The following MGST1 variants were observed in gnomAD, a reference collection of about 807,000 sequenced individuals.
MGST1 encodes glutathione S-transferase 12.
In MGST1, 5 loss-of-function variants were observed where a neutral mutation model predicts 8.9. The ratio of observed to expected loss-of-function variants is 0.56; its 90% CI spans 0.29 to 1.19. MGST1 has a LOEUF of 1.19. MGST1 is among the 50% of genes most tolerant of loss of function. The probability of loss-of-function intolerance (pLI) is 0.08; values close to 1 mark genes in which losing one functional copy is unlikely to be tolerated. For synonymous variants in MGST1, 54 were observed against 67.8 expected (o/e 0.80, Z 1.00); for missense variants, 182 against 187.4 (o/e 0.97, Z 0.17).
intron 3 of MGST1, among the ~76,000 whole-genome samples, chr12:16,358,004 A>G (rs1021763099): frequency 6.6e-6 from 1 of 152,176 alleles, no homozygotes; most frequent in Admixed American, 6.5e-5. Context: ...TTGGAGTTTT[A>G]TCGTCTTTGT....
Position 16,566,024 on chromosome 12 carries a change from A to T in MGST1, n.483-23504A>T, listed in dbSNP as rs1342080139. Among the ~76,000 whole-genome samples the T allele has an allele frequency of 5.9e-5, 5 of 84,366 alleles. 1 individual carries two copies. Among genetic ancestry groups the T allele is most frequent in the African/African-American group, 2.4e-4 (5 of 20,758 alleles). 55.3% of individuals were successfully genotyped at this position (84,366 alleles called of 152,430 possible). A position where few individuals can be genotyped will look rare whatever the true frequency, so the allele number is the denominator to read the frequency against. ...TATATATATATATATATATATATAT[A>T]TATATATATATATATAAAATGGAGT... On this transcript the variant is annotated intron_variant and non_coding_transcript_variant, in intron 4 of 4. Coordinates refer to the MGST1 transcript ENST00000538857.
At chr12:16,433,224 G>C (rs939530727) in intron 1 of MGST1, among the ~76,000 whole-genome samples, 2 of 152,068 alleles carry the variant, frequency 1.3e-5, no homozygotes, top group Non-Finnish European at 2.9e-5. Flanking sequence ...TCTTCTGCCT[G>C]CTTTCTATTC....
chr12:16,484,398 T>G (rs1394953247), intron 4 of MGST1, among the ~76,000 whole-genome samples: 1 of 150,888 alleles, frequency 6.6e-6, no homozygotes, highest in Non-Finnish European at 1.5e-5. Flanking sequence ...AAAGAATCTG[T>G]TTTTTGTTTG....
rs115860076 is a variant in MGST1, at chr12:16,534,271, T to C, written n.483-55257T>C. ...GGAGGAAAGTACTATGAAACACATA[T>C]ATTCGATATGCACATTTGAGATAAA... On this transcript the variant is annotated intron_variant and non_coding_transcript_variant, in intron 4 of 4. Transcript: ENST00000538857. 4.7e-3 allele frequency among the ~76,000 whole-genome samples: 717 copies of C among 152,334 alleles called. 9 individuals are homozygous for C. The highest frequency in any genetic ancestry group is 0.016 in the African/African-American group (686 of 41,584).
chr12:16,370,235 GC>G (rs921671272), intron 3 of MGST1: 2 of 152,126 alleles, frequency 1.3e-5, no homozygotes, highest in African/African-American at 4.8e-5. Context: ...TGTGAACTTG[GC>G]CTTCTCCCTC....
chr12:16,358,183 A>G (rs1939814037), intron 3 of MGST1, among the ~76,000 whole-genome samples: 1 of 152,162 alleles, frequency 6.6e-6, no homozygotes, highest in Non-Finnish European at 1.5e-5. Context: ...TGGGAATTCA[A>G]TGAGCAATGA....
Position 16,361,571 on chromosome 12 carries a change from C to T in MGST1, c.222-2224C>T, listed in dbSNP as rs1939997587. Reference sequence around the variant, plus strand: ...AATGGCACTAACGTGAAGGAAGCTGCCGCTCCAGGAAGGAGTCTGTCGTTG... The same window carrying T: ...AATGGCACTAACGTGAAGGAAGCTGTCGCTCCAGGAAGGAGTCTGTCGTTG... On this transcript the variant is annotated intron_variant, in intron 3 of 3. Coordinates refer to ENST00000396210, the MANE Select transcript of MGST1 (RefSeq NM_020300.5). This position sits in a 1 kb window ranked among gnomAD's most constrained non-coding sequence, Gnocchi z 4.2. 6.6e-6 allele frequency among the ~76,000 whole-genome samples: 1 copy of T among 152,148 alleles called. No homozygotes were observed. Among genetic ancestry groups the T allele is most frequent in the East Asian group, 1.9e-4 (1 of 5,194 alleles).
chr12:16,416,905 A>G (rs1051526514), intron 1 of MGST1, among the ~76,000 whole-genome samples: 1 of 152,206 alleles, frequency 6.6e-6, no homozygotes, highest in Non-Finnish European at 1.5e-5. Context: ...CAACTGCAGT[A>G]TATCCAGATC....
chr12:16,479,294 G>A (rs1041744995), intron 4 of MGST1, among the ~76,000 whole-genome samples: 3 of 146,742 alleles, frequency 2.0e-5, no homozygotes, highest in African/African-American at 7.6e-5. Context: ...GAGTGTGGTG[G>A]CGCGATCTGG....
chr12:16,440,568 G>A (rs1045251815), downstream of MGST1, among the ~76,000 whole-genome samples: 6 of 151,774 alleles, frequency 4.0e-5, no homozygotes, highest in Non-Finnish European at 5.9e-5. Context: ...GCTGTTACAT[G>A]TATCAGTAGT....
chr12:16,508,115 C>G (rs1339529013), intron 4 of MGST1, among the ~76,000 whole-genome samples: 1 of 152,112 alleles, frequency 6.6e-6, no homozygotes, highest in African/African-American at 2.4e-5. Flanking sequence ...TATAAGCAAC[C>G]TGATGGCAGG....
chr12:16,567,913 T>C (rs1942672557), intron 4 of MGST1, among the ~76,000 whole-genome samples: 1 of 152,160 alleles, frequency 6.6e-6, no homozygotes, highest in South Asian at 2.1e-4. Flanking sequence ...CTAGTTGGAC[T>C]TACTGAGTAG....
At chr12:16,423,988 A>C (rs528904889) in intron 1 of MGST1, among the ~76,000 whole-genome samples, 1 of 152,236 alleles carries the variant, frequency 6.6e-6, no homozygotes, top group East Asian at 1.9e-4. Context: ...TCCTTTATTT[A>C]TAGCACATTC....
intron 4 of MGST1, among the ~76,000 whole-genome samples, chr12:16,558,555 C>A (rs544258748): frequency 6.6e-6 from 1 of 151,970 alleles, no homozygotes; most frequent in African/African-American, 2.4e-5. Context: ...CTTATCCCTA[C>A]CAAAAACATG....
intron 4 of MGST1, among the ~76,000 whole-genome samples, chr12:16,463,966 T>G (rs1264095032): frequency 6.6e-6 from 1 of 152,210 alleles, no homozygotes; most frequent in Non-Finnish European, 1.5e-5. Flanking sequence ...ATCATTATCT[T>G]TGGAGGCCAC....
chr12:16,562,672 GGCCAGCCCTGAGCT>G (rs1942445608), intron 4 of MGST1, among the ~76,000 whole-genome samples: 1 of 152,188 alleles, frequency 6.6e-6, no homozygotes, highest in Non-Finnish European at 1.5e-5. Context: ...AGTAATGCAT[GGCCAGCCCTGAGCT>G]GCCTGCTATA....
chr12:16,403,996 T>C (rs1940679776), intron 1 of MGST1, among the ~76,000 whole-genome samples: 1 of 152,190 alleles, frequency 6.6e-6, no homozygotes, highest in Non-Finnish European at 1.5e-5. Flanking sequence ...GCTGTAAATA[T>C]TTTGTCTGAT....
chr12:16,549,492 A>T (rs977707906), intron 4 of MGST1: 3 of 152,524 alleles, frequency 2.0e-5, no homozygotes, highest in Non-Finnish European at 4.4e-5. Flanking sequence ...CCACACCAGC[A>T]TTATTTTCAG....
At chr12:16,375,787 G>A (rs561083231) in intron 3 of MGST1, among the ~76,000 whole-genome samples, 6 of 151,646 alleles carry the variant, frequency 4.0e-5, no homozygotes, top group Admixed American at 6.6e-5. Context: ...TTTTATCTAC[G>A]TCTACTGAAA....
Sources: allele counts gnomAD v4.1 joint callset (sites outside exome capture counted in the v4.1 genomes callset), GRCh38; gene constraint gnomAD v4.1.1; non-coding constraint Gnocchi (gnomAD v3.1); transcripts MANE v1.5; gene names NCBI Gene and HGNC (gene_info 2026-07-23, HGNC 2026-07-21).